RNF217: variants seen among roughly 807,000 people sequenced by gnomAD.
RNF217 encodes E3 ubiquitin-protein ligase RNF217.
Under a neutral mutation model 57.8 loss-of-function variants are expected in RNF217, and 31 were observed. The ratio of observed to expected loss-of-function variants is 0.54; its 90% confidence interval spans 0.40 to 0.72. The LOEUF is 0.72. RNF217 is among the 30% of genes least tolerant of loss of function. The pLI, the probability that RNF217 is intolerant of heterozygous loss-of-function variation, is 0.00. For missense variants in RNF217, 696 were observed against 708.3 expected, an observed-to-expected ratio of 0.98 and a Z score of 0.20; for synonymous variants, 313 against 294.0, an observed-to-expected ratio of 1.06 and a Z score of -0.66.
chr6:125,076,592 T>A (rs1179327523), intron 3 of RNF217, 65 bp from the exon 4 acceptor site: 1 of 1,032,876 alleles, frequency 9.7e-7, no homozygotes, highest in Non-Finnish European at 1.5e-6. Flanking sequence ...TCATAAAATT[T>A]GCGATTTTGC....
chr6:125,029,667 A>C (rs1164984551), intron 1 of RNF217, among the ~76,000 whole-genome samples: 3 of 152,170 alleles, frequency 2.0e-5, no homozygotes, highest in Non-Finnish European at 4.4e-5. Flanking sequence ...TGTTGGTAAA[A>C]ATGTAGAACG....
At position 124,962,550 on chromosome 6, in the gene RNF217, C is replaced by T; in HGVS notation, c.6C>T (p.Gly2=). The T allele has an allele frequency of 1.7e-6, 2 of 1,210,164 alleles. No individual in the cohort carries two copies. Among genetic ancestry groups the T allele is most frequent in the Non-Finnish European group, 2.0e-6 (2 of 975,694 alleles). 75.0% of individuals were successfully genotyped at this position (1,210,164 alleles called of 1,614,324 possible). A position where few individuals can be genotyped will look rare whatever the true frequency, so the allele number is the denominator to read the frequency against. The part of the protein sequence containing the change: M[G]EEQSTVSGGG... Reference sequence around the variant, plus strand: ...GGCGCGGGCCGCGGGCGGCGATGGGCGAGGAGCAGAGCACGGTGAGCGGCG... The same window carrying T: ...GGCGCGGGCCGCGGGCGGCGATGGGTGAGGAGCAGAGCACGGTGAGCGGCG... The change falls in exon 1 of 6, where the codon GGC becomes GGT. Residue 2 remains glycine (G), a synonymous_variant. Coordinates refer to ENST00000521654, the MANE Select transcript of RNF217 (RefSeq NM_001286398.3). This position sits in a 1 kb window ranked among gnomAD's most constrained non-coding sequence, Gnocchi z 4.6.
intron 1 of RNF217, among the ~76,000 whole-genome samples, chr6:125,013,199 A>T (rs1395529049): frequency 7.9e-5 from 12 of 151,910 alleles, no homozygotes; most frequent in Non-Finnish European, 1.5e-5. Context: ...TTTTTTGGAG[A>T]TTATAATTTA....
chr6:125,072,278 T>A (rs6569412), intron 3 of RNF217, among the ~76,000 whole-genome samples: 17,446 of 152,194 alleles, frequency 0.11, 1,063 homozygotes, highest in African/African-American at 0.13. Flanking sequence ...CATAATAATA[T>A]TAAAGGCAGC....
rs768376392 is a variant in RNF217 at position 124,962,808 on chromosome 6, G to C, written c.264G>C (p.Ala88=). ...WSKSRAPAQP[A]GLALTGPLNP... The stretch of plus-strand genomic sequence containing the variant: ...AGAGCCGAGCACCGGCGCAGCCTGC[G>C]GGACTGGCACTCACCGGGCCTCTCA... Residue 88 remains alanine, a synonymous_variant, in exon 1 of 6, where the codon GCG becomes GCC. Transcript: ENST00000521654. The surrounding 1 kb of genome is among the most constrained non-coding windows in gnomAD (Gnocchi z 4.6). 2 of 1,597,648 alleles carry C rather than the reference G, an allele frequency of 1.3e-6. No individual in the cohort carries two copies. The highest frequency in any genetic ancestry group is 4.5e-5 in the East Asian group (2 of 44,808).
chr6:124,963,538 G>T, intron 1 of RNF217, 112 bp downstream of exon 1: 1 of 1,248,298 alleles, frequency 8.0e-7, no homozygotes, highest in East Asian at 2.7e-5. Context: ...CACACTTACT[G>T]AGGATCTCTG....
chr6:125,048,522 GTTTAT>G (rs922330678), intron 2 of RNF217, among the ~76,000 whole-genome samples: 4 of 151,964 alleles, frequency 2.6e-5, no homozygotes, highest in Non-Finnish European at 5.9e-5. Flanking sequence ...CCCTTGTAAT[GTTTAT>G]TTTAATGTTA....
chr6:125,078,611 T>TA (rs1325233345), intron 4 of RNF217, among the ~76,000 whole-genome samples: 1 of 152,128 alleles, frequency 6.6e-6, no homozygotes, highest in Admixed American at 6.5e-5. Context: ...AACACGCTCC[T>TA]ATGATAGTGG....
chr6:124,979,239 G>C (rs1215034357), intron 1 of RNF217, among the ~76,000 whole-genome samples: 1 of 152,144 alleles, frequency 6.6e-6, no homozygotes, highest in African/African-American at 2.4e-5. Context: ...GTTGACTTAA[G>C]GTGTTCTAGG....
In RNF217 at chr6:125,087,396, G is replaced by C. The variant is rs910710848; in HGVS notation, c.*4459G>C. The C allele has an allele frequency of 1.3e-5, 2 of 152,034 alleles. No individual in the cohort carries two copies. Among genetic ancestry groups the C allele is most frequent in the African/African-American group, 4.8e-5 (2 of 41,398 alleles). The allele number at this position is 152,034 out of a possible 1,614,324, so 9.4% of individuals were successfully genotyped here. A position where few individuals can be genotyped will look rare whatever the true frequency, so the allele number is the denominator to read the frequency against. On this transcript the variant is annotated 3_prime_UTR_variant, in exon 6 of 6. Coordinates refer to ENST00000521654, the MANE Select transcript of RNF217 (RefSeq NM_001286398.3). ...TATATTTTTATTCTCCCATATTTGT[G>C]GCTGAAATCTCTCCCAACTATTGAG...
chr6:125,078,172 A>G (rs912102828), intron 4 of RNF217, among the ~76,000 whole-genome samples: 1 of 152,180 alleles, frequency 6.6e-6, no homozygotes, highest in Non-Finnish European at 1.5e-5. Context: ...TATATAACCA[A>G]TATGTATGTA....
chr6:125,009,653 A>G (rs1785345417), intron 1 of RNF217, among the ~76,000 whole-genome samples: 1 of 146,304 alleles, frequency 6.8e-6, no homozygotes, highest in Non-Finnish European at 1.5e-5. Context: ...TTTTCTTTCT[A>G]TTTTTTTTAA....
chr6:124,975,888 AT>A (rs1783937004), intron 1 of RNF217, among the ~76,000 whole-genome samples: 1 of 151,884 alleles, frequency 6.6e-6, no homozygotes, highest in African/African-American at 2.4e-5. Flanking sequence ...CAGTGTTTTA[AT>A]TTTCCTGTTA....
At chr6:124,996,937 CATCTT>C (rs1214875769) in intron 1 of RNF217, among the ~76,000 whole-genome samples, 1 of 151,982 alleles carries the variant, frequency 6.6e-6, no homozygotes, top group African/African-American at 2.4e-5. Context: ...TTCTTTAAAT[CATCTT>C]AATATGGTTT....
In RNF217 at chr6:125,081,482, A is replaced by C. The variant is rs149494817; in HGVS notation, c.1530A>C (p.Ala510=). Residue 510 remains alanine (A), a synonymous_variant, in exon 5 of 6, where the codon GCA becomes GCC. Transcript: ENST00000521654. The stretch of plus-strand genomic sequence containing the variant: ...CTCTAATTATGGTTTTGGGATTGGC[A>C]CTAGGGGCCATAGCGGTTGTAATCG... ...IAPLIMVLGL[A]LGAIAVVIGL... is the part of the protein sequence containing the mutation. 1.1e-3 allele frequency: 1,728 copies of C among 1,611,546 alleles called. No homozygotes were observed. Among genetic ancestry groups the C allele is most frequent in the Non-Finnish European group, 1.4e-3 (1,601 of 1,178,356 alleles).
intron 3 of RNF217, among the ~76,000 whole-genome samples, chr6:125,073,321 G>T (rs1788221812): frequency 6.6e-6 from 1 of 152,172 alleles, no homozygotes. Flanking sequence ...GAACAACAGA[G>T]GGTAAGTGCT....
rs72969688 is a variant in RNF217, at chr6:125,048,683, A to G, written c.1116+3239A>G. Among the ~76,000 whole-genome samples, 1,064 of 152,162 alleles carry G rather than the reference A, an allele frequency of 7.0e-3. 6 individuals are homozygous for G. The highest frequency in any genetic ancestry group is 0.012 in the Non-Finnish European group (787 of 67,966). The stretch of plus-strand genomic sequence containing the variant: ...GCTTCTCACATGAAGTTTGAGACCT[A>G]AAATATCATATATGGGGGTTTTAAT... On this transcript the variant is annotated intron_variant, in intron 2 of 5. Coordinates refer to ENST00000521654, the MANE Select transcript of RNF217 (RefSeq NM_001286398.3).
rs1287345827 is a variant in RNF217, at chr6:124,998,632, T to A, written c.882+35206T>A. Among the ~76,000 whole-genome samples, 5 of 152,154 alleles carry A rather than the reference T, an allele frequency of 3.3e-5. No individual in the cohort carries two copies. The East Asian group carries it at 9.7e-4, about 29-fold the overall frequency. ...GGCCAACATGATGAAACCCCATCTCTAACTAAAAATACAAAAAACCTAGTG... is the reference window on the plus strand; with the variant it reads ...GGCCAACATGATGAAACCCCATCTCAAACTAAAAATACAAAAAACCTAGTG... On this transcript the variant is annotated intron_variant, in intron 1 of 5. Transcript: ENST00000521654.
chr6:125,085,198 C>T lies in RNF217; in HGVS notation c.*2261C>T, dbSNP rs1463319332. 1.3e-5 allele frequency: 2 copies of T among 151,812 alleles called. No homozygotes were observed. Among genetic ancestry groups the T allele is most frequent in the Non-Finnish European group, 2.9e-5 (2 of 67,840 alleles). The allele number at this position is 151,812 out of a possible 1,614,324, so 9.4% of individuals were successfully genotyped here. A position where few individuals can be genotyped will look rare whatever the true frequency, so the allele number is the denominator to read the frequency against. On this transcript the variant is annotated 3_prime_UTR_variant, in exon 6 of 6. Coordinates refer to ENST00000521654, the MANE Select transcript of RNF217 (RefSeq NM_001286398.3). ...CAGGGATTTTTATTTCTTTAAATAA[C>T]TTATCTTTTGGACATATTTTTATAT...
Sources: allele counts gnomAD v4.1 joint callset (sites outside exome capture counted in the v4.1 genomes callset), GRCh38; gene constraint gnomAD v4.1.1; non-coding constraint Gnocchi (gnomAD v3.1); transcripts MANE v1.5; gene names NCBI Gene and HGNC (gene_info 2026-07-23, HGNC 2026-07-21).